Variants in TRAF3 observed in about 807,000 individuals in gnomAD.
The protein encoded by TRAF3 is TNF receptor-associated factor 3.
TRAF3 carries 13 observed loss-of-function variants against 62.3 expected under a neutral mutation model. The ratio of observed to expected loss-of-function variants is 0.21; its 90% CI spans 0.14 to 0.33. TRAF3 has a LOEUF of 0.33. Among genes scored for constraint, TRAF3 ranks in the 10% least tolerant of loss-of-function variants. The pLI is 1.00. For missense variants in TRAF3, 440 were observed against 741.8 expected (o/e 0.59, Z 4.73); for synonymous variants, 269 against 283.4 (o/e 0.95, Z 0.51).
chr14:102,903,210 C>T lies in TRAF3; in HGVS notation c.961-45C>T, dbSNP rs202094429. 3.0e-5 allele frequency: 49 copies of T among 1,613,546 alleles called. No homozygotes were observed. The highest frequency in any genetic ancestry group is 6.6e-5 in the South Asian group (6 of 91,000). On this transcript the variant is annotated intron_variant, in intron 10 of 11. Coordinates refer to ENST00000392745, the MANE Select transcript of TRAF3 (RefSeq NM_145725.3). The surrounding 1 kb of genome is among the most constrained non-coding windows in gnomAD (Gnocchi z 6.4). ...TGATGGAAGGTGGTGCAGCATTTTC[C>T]GAGTCCTAACTGTGTTTTGCTTTTT...
intron 1 of TRAF3, among the ~76,000 whole-genome samples, chr14:102,824,914 T>C (rs1900207102): frequency 6.6e-6 from 1 of 152,246 alleles, no homozygotes; most frequent in Admixed American, 6.5e-5. Flanking sequence ...CTAATCCTTT[T>C]ACACACCAGG....
At chr14:102,855,787 C>CT (rs1279656848) in intron 2 of TRAF3, among the ~76,000 whole-genome samples, 2 of 129,322 alleles carry the variant, frequency 1.5e-5, no homozygotes, top group Admixed American at 1.6e-4. Flanking sequence ...CAGAATGAGA[C>CT]TTTATCTAAA....
chr14:102,850,257 T>C (rs986461951), intron 2 of TRAF3, among the ~76,000 whole-genome samples: 1 of 152,148 alleles, frequency 6.6e-6, no homozygotes, highest in African/African-American at 2.4e-5. Context: ...AACTAAACTT[T>C]TATGAAAGAA....
At chr14:102,851,559 A>G (rs1253002902) in intron 2 of TRAF3, among the ~76,000 whole-genome samples, 1 of 152,198 alleles carries the variant, frequency 6.6e-6, no homozygotes, top group Admixed American at 6.5e-5. Flanking sequence ...CCTGGCCAAG[A>G]TGGTGAAAGC....
intron 1 of TRAF3, among the ~76,000 whole-genome samples, chr14:102,780,898 C>T (rs1240551458): frequency 6.6e-6 from 1 of 152,236 alleles, no homozygotes; most frequent in South Asian, 2.1e-4. Context: ...TGAGACAGAC[C>T]AGGACAGGAG....
chr14:102,784,046 T>G (rs1897374005), intron 1 of TRAF3, among the ~76,000 whole-genome samples: 1 of 152,074 alleles, frequency 6.6e-6, no homozygotes, highest in East Asian at 1.9e-4. Context: ...CCACAGAAGT[T>G]TTCTAGTTGA....
chr14:102,784,167 C>A (rs1212982131), intron 1 of TRAF3, among the ~76,000 whole-genome samples: 8 of 151,212 alleles, frequency 5.3e-5, no homozygotes, highest in African/African-American at 1.9e-4. Context: ...TAGGTTTTTC[C>A]CTGCATTTTT....
intron 2 of TRAF3, among the ~76,000 whole-genome samples, chr14:102,839,498 G>A (rs1886247533): frequency 6.6e-6 from 1 of 152,178 alleles, no homozygotes; most frequent in South Asian, 2.1e-4. Context: ...GGGATTACAG[G>A]CGTGAGCCAC....
chr14:102,861,104 G>A (rs1042065506), intron 2 of TRAF3, among the ~76,000 whole-genome samples: 1 of 152,242 alleles, frequency 6.6e-6, no homozygotes, highest in Non-Finnish European at 1.5e-5. Context: ...CATTGCAGCT[G>A]ACACTGAATC....
chr14:102,889,371 A>G (rs971779546), intron 7 of TRAF3, among the ~76,000 whole-genome samples, 189 bp from the exon 8 acceptor site: 1 of 152,278 alleles, frequency 6.6e-6, no homozygotes, highest in South Asian at 2.1e-4. Context: ...ATATTGGCGT[A>G]TATGTGTATA....
chr14:102,889,473 C>A, intron 7 of TRAF3, 87 bp from the exon 8 acceptor site: 1 of 1,308,568 alleles, frequency 7.6e-7, no homozygotes, highest in Non-Finnish European at 1.1e-6. Flanking sequence ...CTTAATAGTA[C>A]AGCTCAGATG....
chr14:102,902,915 C>T (rs537770370), intron 10 of TRAF3, among the ~76,000 whole-genome samples: 2 of 152,322 alleles, frequency 1.3e-5, no homozygotes, highest in South Asian at 4.1e-4. Context: ...ACAGTGGAGA[C>T]CTCTCCCCTG....
chr14:102,789,524 G>A (rs1276402823), intron 1 of TRAF3, among the ~76,000 whole-genome samples: 1 of 151,852 alleles, frequency 6.6e-6, no homozygotes, highest in Non-Finnish European at 1.5e-5. Context: ...GTCATAACAA[G>A]GTTTCAGAGT....
At chr14:102,890,223 G>A (rs940141390) in intron 8 of TRAF3, among the ~76,000 whole-genome samples, 2 of 152,188 alleles carry the variant, frequency 1.3e-5, no homozygotes, top group Non-Finnish European at 1.5e-5. Flanking sequence ...GTGTTTTGTT[G>A]TTGTTTATTT....
chr14:102,824,448 T>TG (rs1336432253), intron 1 of TRAF3, among the ~76,000 whole-genome samples: 1 of 152,264 alleles, frequency 6.6e-6, no homozygotes. Context: ...TGCTTCCTCT[T>TG]GGGGACATCC....
intron 9 of TRAF3, among the ~76,000 whole-genome samples, chr14:102,892,797 G>A (rs1423179002): frequency 3.3e-5 from 5 of 152,160 alleles, no homozygotes; most frequent in East Asian, 3.9e-4. Context: ...ATGTAAATGC[G>A]TGAGCTGAGC....
chr14:102,884,292 T>A (rs953187823), intron 6 of TRAF3, among the ~76,000 whole-genome samples: 3 of 152,174 alleles, frequency 2.0e-5, no homozygotes, highest in Non-Finnish European at 4.4e-5. Context: ...AGGGTGGCAG[T>A]CTTTAGATTT....
chr14:102,882,944 A>T (rs140264140), intron 6 of TRAF3, among the ~76,000 whole-genome samples: 1 of 152,232 alleles, frequency 6.6e-6, no homozygotes, highest in African/African-American at 2.4e-5. Context: ...TTCTTTAAAC[A>T]GCTCTGTTAA....
intron 2 of TRAF3, among the ~76,000 whole-genome samples, chr14:102,842,882 T>G (rs1413414260): frequency 6.6e-6 from 1 of 152,156 alleles, no homozygotes; most frequent in Non-Finnish European, 1.5e-5. Flanking sequence ...CTTTCAAAAA[T>G]GAAGGATAAA....
Sources: allele counts gnomAD v4.1 joint callset (sites outside exome capture counted in the v4.1 genomes callset), GRCh38; gene constraint gnomAD v4.1.1; non-coding constraint Gnocchi (gnomAD v3.1); transcripts MANE v1.5; gene names NCBI Gene and HGNC (gene_info 2026-07-23, HGNC 2026-07-21).